DLGAP1: variants seen among roughly 807,000 people sequenced by gnomAD.
DLGAP1 encodes the protein disks large-associated protein 1.
DLGAP1 carries 11 observed loss-of-function variants against 90.8 expected under a neutral mutation model. The observed-to-expected ratio is 0.12, with a 90% confidence interval of 0.08 to 0.20. The LOEUF is 0.20. Among genes scored for constraint, DLGAP1 ranks in the 10% least tolerant of loss-of-function variants. The pLI is 1.00. For synonymous variants in DLGAP1, 558 were observed against 540.7 expected, an observed-to-expected ratio of 1.03 and a Z score of -0.44; for missense variants, 1,050 against 1,333.8, an observed-to-expected ratio of 0.79 and a Z score of 3.31.
chr18:3,724,624 A>T (rs2062093655), intron 7 of DLGAP1, among the ~76,000 whole-genome samples: 1 of 152,034 alleles, frequency 6.6e-6, no homozygotes, highest in Non-Finnish European at 1.5e-5. Context: ...ATGTGCCTGT[A>T]ATCCCAGCTA....
At chr18:3,897,919 C>CA (rs2071675644) in intron 3 of DLGAP1, among the ~76,000 whole-genome samples, 1 of 151,402 alleles carries the variant, frequency 6.6e-6, no homozygotes, top group Non-Finnish European at 1.5e-5. Context: ...CTCAGCCTCC[C>CA]GAGTAGCTGG....
At chr18:3,974,459 G>A (rs4797132) in intron 3 of DLGAP1, among the ~76,000 whole-genome samples, 60,017 of 151,970 alleles carry the variant, frequency 0.39, 12,060 homozygotes, top group Non-Finnish European at 0.42. Context: ...ACTTCCTAAG[G>A]GAAGCTTCAG....
intron 7 of DLGAP1, among the ~76,000 whole-genome samples, chr18:3,632,846 G>C (rs2058573840): frequency 6.6e-6 from 1 of 152,062 alleles, no homozygotes; most frequent in Non-Finnish European, 1.5e-5. Flanking sequence ...TTTGGGCTGA[G>C]GTTTGAATGA....
chr18:3,728,300 T>TTATATATATATATATA (rs200480157), intron 7 of DLGAP1, among the ~76,000 whole-genome samples: 14 of 123,640 alleles, frequency 1.1e-4, no homozygotes, highest in African/African-American at 3.8e-4. Flanking sequence ...AACGCAAATG[T>TTATATATATATATATA]TATATATATA....
chr18:3,767,988 T>G (rs1434194605), intron 5 of DLGAP1, among the ~76,000 whole-genome samples: 1 of 152,110 alleles, frequency 6.6e-6, no homozygotes, highest in Non-Finnish European at 1.5e-5. Flanking sequence ...AACCACCACC[T>G]AGTTCAAAAC....
At chr18:3,809,035 G>A (rs540382949) in intron 5 of DLGAP1, among the ~76,000 whole-genome samples, 3 of 152,176 alleles carry the variant, frequency 2.0e-5, no homozygotes, top group Admixed American at 1.3e-4. Flanking sequence ...AATTATACAC[G>A]TCAGTGCTGA....
intron 1 of DLGAP1, among the ~76,000 whole-genome samples, chr18:4,155,094 C>G (rs529724554): frequency 6.6e-6 from 1 of 151,848 alleles, no homozygotes; most frequent in African/African-American, 2.4e-5. Context: ...GAGATTTGAT[C>G]AAAAACTTGA....
chr18:4,143,213 T>C (rs1248897119), intron 2 of DLGAP1, among the ~76,000 whole-genome samples: 1 of 152,104 alleles, frequency 6.6e-6, no homozygotes, highest in Non-Finnish European at 1.5e-5. Context: ...GGATGGCAAG[T>C]TCCCCTTTGT....
chr18:4,186,515 C>T (rs184943857), intron 1 of DLGAP1, among the ~76,000 whole-genome samples: 2 of 152,250 alleles, frequency 1.3e-5, no homozygotes, highest in East Asian at 1.9e-4. Context: ...TATCCCAACG[C>T]CATTTGTTAA....
chr18:3,760,910 C>T (rs1368621512), intron 5 of DLGAP1, among the ~76,000 whole-genome samples: 1 of 152,186 alleles, frequency 6.6e-6, no homozygotes, highest in Admixed American at 6.5e-5. Flanking sequence ...ATTCGTTGAA[C>T]ACTGGTTCAT....
intron 5 of DLGAP1, among the ~76,000 whole-genome samples, chr18:3,790,788 G>C (rs1326742553): frequency 6.6e-6 from 1 of 152,178 alleles, no homozygotes; most frequent in Non-Finnish European, 1.5e-5. Flanking sequence ...TGTGGCGGCA[G>C]GCAGTGGGGA....
At chr18:3,742,308 G>A in intron 6 of DLGAP1, 27 bp downstream of exon 6, 1 of 1,606,344 alleles carries the variant, frequency 6.2e-7, no homozygotes. Context: ...AATGGCTCCT[G>A]ACCACCGCTG....
chr18:4,049,222 G>C (rs1221250618), intron 2 of DLGAP1, among the ~76,000 whole-genome samples: 1 of 64,512 alleles, frequency 1.6e-5, no homozygotes, highest in African/African-American at 6.5e-5. Flanking sequence ...GCAAGACTCT[G>C]TCTCAAAAAA....
chr18:3,592,843 C>CAAAAAAAAAAAAAAAAAAAAAAA (rs56871583), intron 7 of DLGAP1, among the ~76,000 whole-genome samples: 1 of 42,596 alleles, frequency 2.3e-5, no homozygotes, highest in Non-Finnish European at 4.9e-5. Flanking sequence ...GACCCTGCCT[C>CAAAAAAAAAAAAAAAAAAAAAAA]AAAAAAAAAA....
At position 4,048,976 on chromosome 18, in the gene DLGAP1, T is replaced by C. The variant is rs1241346366; in HGVS notation, c.-158-43775A>G. 2.0e-5 allele frequency among the ~76,000 whole-genome samples: 3 copies of C among 152,270 alleles called. No homozygotes were observed. In the East Asian group the frequency reaches 5.8e-4, roughly 29 times the overall value. On this transcript the variant is annotated intron_variant, in intron 2 of 12. Transcript: ENST00000315677. ...GCACAGTGGTGCACACCTGTAATCC[T>C]GGCACTTTGGGAGGCCGAGGGAGGC...
intron 2 of DLGAP1, among the ~76,000 whole-genome samples, chr18:4,070,150 T>C (rs12966685): frequency 0.83 from 125,471 of 152,032 alleles, 52,000 homozygotes; most frequent in East Asian, 0.94. Context: ...GCCTGGCTAA[T>C]TTTTGTATTT....
intron 2 of DLGAP1, among the ~76,000 whole-genome samples, chr18:4,079,602 GA>G (rs1304144892): frequency 6.6e-6 from 1 of 151,890 alleles, no homozygotes; most frequent in Non-Finnish European, 1.5e-5. Context: ...CTGCTTGGGT[GA>G]CAGGTGCACC....
chr18:4,352,673 TA>T (rs1210934620), intron 1 of DLGAP1, among the ~76,000 whole-genome samples: 1 of 152,120 alleles, frequency 6.6e-6, no homozygotes, highest in Admixed American at 6.6e-5. Flanking sequence ...CTGTTTGAAT[TA>T]AGAAAAGCTA....
intron 3 of DLGAP1, among the ~76,000 whole-genome samples, chr18:3,899,292 GA>G (rs901181753): frequency 1.3e-5 from 2 of 152,082 alleles, no homozygotes; most frequent in Non-Finnish European, 2.9e-5. Flanking sequence ...TCTGTGTCAG[GA>G]AAAAACTCCA....
Sources: allele counts gnomAD v4.1 joint callset (sites outside exome capture counted in the v4.1 genomes callset), GRCh38; gene constraint gnomAD v4.1.1; transcripts MANE v1.5; gene names NCBI Gene and HGNC (gene_info 2026-07-23, HGNC 2026-07-21).